Variants in TMEM266 observed in about 807,000 individuals in gnomAD.
TMEM266 encodes the protein Hv1 related protein 1.
In TMEM266, 33 loss-of-function variants were observed where a neutral mutation model predicts 50.5. The ratio of observed to expected loss-of-function variants is 0.65; its 90% CI spans 0.50 to 0.87. TMEM266 has a LOEUF of 0.87. Among genes scored for constraint, TMEM266 ranks in the 40% least tolerant of loss-of-function variants. The pLI is 0.00. For missense variants in TMEM266, 655 were observed against 695.1 expected, an observed-to-expected ratio of 0.94 and a Z score of 0.65; for synonymous variants, 310 against 292.3, an observed-to-expected ratio of 1.06 and a Z score of -0.62.
chr15:76,132,203 G>A (rs2037519042), intron 1 of TMEM266, among the ~76,000 whole-genome samples: 1 of 151,670 alleles, frequency 6.6e-6, no homozygotes. Context: ...CCACCTCTTG[G>A]GTTCCAGCAA....
intron 3 of TMEM266, among the ~76,000 whole-genome samples, chr15:76,148,700 A>C (rs188144498): frequency 7.5e-4 from 108 of 143,064 alleles, no homozygotes; most frequent in African/African-American, 2.8e-3. Flanking sequence ...GGGGTTGCCA[A>C]GTGTATGGCA....
At position 76,204,956 on chromosome 15, in the gene TMEM266, C is replaced by T. The variant is rs2142096251; in HGVS notation, c.*641C>T. The T allele has an allele frequency of 6.7e-6, 1 of 149,936 alleles. No homozygotes were observed. The highest frequency in any genetic ancestry group is 6.7e-5 in the Admixed American group (1 of 14,834). The allele number at this position is 149,936 out of a possible 1,614,324, so 9.3% of individuals were successfully genotyped here. A position where few individuals can be genotyped will look rare whatever the true frequency, so the allele number is the denominator to read the frequency against. ...TGGCTTTAATAATAAAAACCAGCTG[C>T]ACTGAGACTCCCAGTTGGTGGAGGT... is the stretch of plus-strand genomic sequence containing the variant. On this transcript the variant is annotated 3_prime_UTR_variant, in exon 11 of 11. Coordinates refer to ENST00000388942, the MANE Select transcript of TMEM266 (RefSeq NM_152335.3).
chr15:76,202,530 A>G lies in TMEM266; in HGVS notation c.1021+266A>G, dbSNP rs987607932. Among the ~76,000 whole-genome samples, 3 of 152,266 alleles carry G rather than the reference A, an allele frequency of 2.0e-5. No homozygotes were observed. The South Asian group carries it at 6.2e-4, about 32-fold the overall frequency. On this transcript the variant is annotated intron_variant, in intron 10 of 10. Coordinates refer to ENST00000388942, the MANE Select transcript of TMEM266 (RefSeq NM_152335.3). ...TAAGAACTGCATGTGGAACCCTGAA[A>G]TTGGAAGGGGGTTGGAATCCAGAAC... is the stretch of plus-strand genomic sequence containing the variant.
At chr15:76,167,327 G>A (rs925891977) in intron 5 of TMEM266, among the ~76,000 whole-genome samples, 12 of 151,700 alleles carry the variant, frequency 7.9e-5, no homozygotes, top group African/African-American at 2.2e-4. Context: ...AAAATTAGCC[G>A]GGCATGGTGG....
chr15:76,079,130 A>G (rs761335658), intron 1 of TMEM266, among the ~76,000 whole-genome samples: 9 of 152,216 alleles, frequency 5.9e-5, no homozygotes, highest in Non-Finnish European at 1.0e-4. Flanking sequence ...AAGTGGGCGG[A>G]TCACTTGAGG....
chr15:76,116,070 C>T (rs1028942489), intron 1 of TMEM266, among the ~76,000 whole-genome samples: 10 of 152,182 alleles, frequency 6.6e-5, no homozygotes, highest in African/African-American at 1.9e-4. Flanking sequence ...GTTGAGTTTT[C>T]ACTAAGAACT....
In TMEM266 at chr15:76,204,310, GCCTAGAGCCTGCCATGGGCT is replaced by G; in HGVS notation, c.1592_*15del. On this transcript the variant is annotated stop_lost and 3_prime_UTR_variant, in exon 11 of 11. Coordinates refer to ENST00000388942, the MANE Select transcript of TMEM266 (RefSeq NM_152335.3). ...GCAAAAGCTGCACAGGGTCCCTGAGGCCTAGAGCCTGCCATGGGCTGGGTGAGATGAGGGGAGACAGCCAT... is the reference window on the plus strand; with the variant it reads ...GCAAAAGCTGCACAGGGTCCCTGAGGGGGTGAGATGAGGGGAGACAGCCAT... 6.3e-7 allele frequency: 1 copy of G among 1,598,810 alleles called. No homozygotes were observed. Among genetic ancestry groups the G allele is most frequent in the Non-Finnish European group, 8.6e-7 (1 of 1,169,050 alleles).
chr15:76,089,670 G>A (rs945867238), intron 1 of TMEM266, among the ~76,000 whole-genome samples: 4 of 152,128 alleles, frequency 2.6e-5, no homozygotes, highest in Non-Finnish European at 4.4e-5. Flanking sequence ...AGATATGGTC[G>A]TGCGTTTTTT....
At chr15:76,100,135 C>G (rs2955746) in intron 1 of TMEM266, among the ~76,000 whole-genome samples, 124,560 of 152,078 alleles carry the variant, frequency 0.82, 51,152 homozygotes, top group African/African-American at 0.86. Flanking sequence ...CTGCCTCATA[C>G]GACATTCTAG....
intron 9 of TMEM266, among the ~76,000 whole-genome samples, chr15:76,193,242 T>TC (rs149081659): frequency 0.21 from 31,858 of 151,984 alleles, 3,704 homozygotes; most frequent in African/African-American, 0.3. Context: ...ATGGTTGCTT[T>TC]TTTTTTGGAG....
intron 8 of TMEM266, among the ~76,000 whole-genome samples, chr15:76,181,887 GT>G (rs1421628293): frequency 1.5e-4 from 23 of 152,188 alleles, no homozygotes; most frequent in Admixed American, 3.9e-4. Flanking sequence ...GCTCTTTCAT[GT>G]TTAAGCCTGG....
intron 1 of TMEM266, among the ~76,000 whole-genome samples, chr15:76,101,859 G>A (rs542031447): frequency 1.3e-5 from 2 of 152,342 alleles, no homozygotes; most frequent in South Asian, 2.1e-4. Context: ...GTAGATGCTC[G>A]GAGGTGGCTT....
intron 1 of TMEM266, among the ~76,000 whole-genome samples, chr15:76,103,310 C>T (rs967790655): frequency 6.7e-6 from 1 of 149,926 alleles, no homozygotes; most frequent in Non-Finnish European, 1.5e-5. Flanking sequence ...CAAGAACAGC[C>T]TGGGCAAAGT....
chr15:76,163,876 C>T (rs2038054501), intron 5 of TMEM266, among the ~76,000 whole-genome samples: 1 of 152,266 alleles, frequency 6.6e-6, no homozygotes, highest in Non-Finnish European at 1.5e-5. Context: ...CCCTCTCTTC[C>T]TCCTCCTTCT....
intron 1 of TMEM266, among the ~76,000 whole-genome samples, chr15:76,106,900 T>C (rs969354581): frequency 1.3e-5 from 2 of 152,332 alleles, no homozygotes; most frequent in East Asian, 1.9e-4. Flanking sequence ...CTATTAACCA[T>C]AGTCCCCATG....
intron 1 of TMEM266, among the ~76,000 whole-genome samples, chr15:76,125,325 A>AAACAACAAAATGAAAAGGC (rs2142022276): frequency 6.6e-6 from 1 of 152,276 alleles, no homozygotes; most frequent in African/African-American, 2.4e-5. Flanking sequence ...ACATCAAAGG[A>AAACAACAAAATGAAAAGGC]AACAACAAAA....
At chr15:76,060,521 G>A (rs1049245971) in intron 1 of TMEM266, among the ~76,000 whole-genome samples, 4 of 152,188 alleles carry the variant, frequency 2.6e-5, no homozygotes, top group Non-Finnish European at 4.4e-5. Context: ...TTTGTCGGGA[G>A]GTGCCCCAGC....
chr15:76,138,953 G>A (rs1231536649), intron 3 of TMEM266, among the ~76,000 whole-genome samples: 1 of 152,166 alleles, frequency 6.6e-6, no homozygotes, highest in South Asian at 2.1e-4. Flanking sequence ...AGGCCAAAGA[G>A]GGGTAGGAAC....
intron 1 of TMEM266, among the ~76,000 whole-genome samples, chr15:76,078,022 T>C (rs1474426868): frequency 6.6e-6 from 1 of 152,056 alleles, no homozygotes; most frequent in Non-Finnish European, 1.5e-5. Context: ...TTAGTATCCA[T>C]TTGTTTAACA....
Sources: allele counts gnomAD v4.1 joint callset (sites outside exome capture counted in the v4.1 genomes callset), GRCh38; gene constraint gnomAD v4.1.1; transcripts MANE v1.5; gene names NCBI Gene and HGNC (gene_info 2026-07-23, HGNC 2026-07-21).